DNAH12: variants seen among roughly 807,000 people sequenced by gnomAD.
DNAH12 encodes the protein dynein axonemal heavy chain 12.
A neutral mutation model predicts 371.5 loss-of-function variants in DNAH12; 285 were observed. That is an observed-to-expected ratio of 0.77 (90% CI 0.70 to 0.85). The LOEUF (loss-of-function observed/expected upper bound fraction) is 0.85, where lower values mean the gene tolerates loss of function less well. Ranked by LOEUF, DNAH12 falls within the 40% of genes least tolerant of loss-of-function variation. The pLI is 0.00. For synonymous variants in DNAH12, 1,200 were observed against 1,213.0 expected (o/e 0.99, Z 0.22); for missense variants, 3,611 against 3,689.4 (o/e 0.98, Z 0.55).
intron 55 of DNAH12, among the ~76,000 whole-genome samples, chr3:57,372,284 T>C (rs2063191521): frequency 6.6e-6 from 1 of 151,778 alleles, no homozygotes; most frequent in Non-Finnish European, 1.5e-5. Flanking sequence ...TTTTAAAAGA[T>C]TTTTTTTAGG....
In DNAH12 at chr3:57,353,207, G is replaced by A. The variant is rs1346193013; in HGVS notation, c.9534-982C>T. On this transcript the variant is annotated intron_variant, in intron 59 of 73. Transcript: ENST00000495027. ...AAAAATGTTTACAATAAGCATATATGGCTTTCAATTTTTTTCAGTTTAATT... is the reference window on the plus strand; with the variant it reads ...AAAAATGTTTACAATAAGCATATATAGCTTTCAATTTTTTTCAGTTTAATT... Among the ~76,000 whole-genome samples the A allele has an allele frequency of 3.3e-5, 5 of 152,196 alleles. No individual in the cohort carries two copies. In the East Asian group the frequency reaches 9.6e-4, roughly 29 times the overall value.
At chr3:57,298,959 C>T (rs950136916) in intron 70 of DNAH12, among the ~76,000 whole-genome samples, 1 of 152,120 alleles carries the variant, frequency 6.6e-6, no homozygotes, top group African/African-American at 2.4e-5. Context: ...ATGGAATGAA[C>T]AGATGAATCA....
chr3:57,402,347 G>A (rs782157353), intron 43 of DNAH12: 15 of 1,261,830 alleles, frequency 1.2e-5, no homozygotes, highest in Admixed American at 8.0e-5. Flanking sequence ...CTCTGTTGGG[G>A]CTACAGACCC....
At chr3:57,302,009 C>G in intron 69 of DNAH12, 70 bp from the exon 70 acceptor site, 2 of 1,471,082 alleles carry the variant, frequency 1.4e-6, no homozygotes, top group Non-Finnish European at 1.8e-6. Flanking sequence ...AGAAGAAGAA[C>G]AGCAGGAATT....
chr3:57,350,605 T>C (rs982024740), intron 60 of DNAH12, among the ~76,000 whole-genome samples: 16 of 152,172 alleles, frequency 1.1e-4, no homozygotes, highest in Non-Finnish European at 2.2e-4. Context: ...ACCTTCATAA[T>C]ATTGGGCTGT....
chr3:57,301,786 C>A lies in DNAH12; in HGVS notation c.11343G>T (p.Lys3781Asn), dbSNP rs2061353480. 2 of 1,551,130 alleles carry A rather than the reference C, an allele frequency of 1.3e-6. No individual in the cohort carries two copies. Among genetic ancestry groups the A allele is most frequent in the African/African-American group, 2.7e-5 (2 of 72,866 alleles). The change falls in exon 70 of 74, where the codon AAG becomes AAT. Residue 3781 changes from lysine to asparagine, a missense_variant. Lys to Asn is a moderately conservative substitution (Grantham distance 94). This residue lies in a region of DNAH12 where 2,266 missense variants were observed against 2,236.9 expected (regional missense o/e 1.01). Transcript: ENST00000495027. ...AATCTGTGATGTAACTTCCCAGGGG[C>A]TTAAGGCTTGGGTATGAACGTTTGG... ...IWAKRSYPSL[K>N]PLGSYITDFL... is the part of the protein sequence containing the mutation.
intron 62 of DNAH12, among the ~76,000 whole-genome samples, chr3:57,326,760 C>T (rs1383435835): frequency 1.3e-5 from 2 of 152,128 alleles, no homozygotes; most frequent in East Asian, 1.9e-4. Context: ...AAGACACAGA[C>T]TGGCAAATTG....
At position 57,403,352 on chromosome 3, in the gene DNAH12, A is replaced by G; in HGVS notation, c.6905T>C (p.Ile2302Thr). 1 of 1,551,160 alleles carries G rather than the reference A, an allele frequency of 6.4e-7. No individual in the cohort carries two copies. The highest frequency in any genetic ancestry group is 8.7e-7 in the Non-Finnish European group (1 of 1,146,784). ...MAKMHIFQPE[I>T]SKSYGMNEWR... Reference sequence around the variant, plus strand: ...TTCATTCATACCATAGCTCTTAGAAATTTCTGGTTGGAAAATATGCATTTT... The same window carrying G: ...TTCATTCATACCATAGCTCTTAGAAGTTTCTGGTTGGAAAATATGCATTTT... The change falls in exon 43 of 74, where the codon ATT becomes ACT. Residue 2302 changes from isoleucine (I) to threonine (T), a missense_variant. Ile to Thr is a moderately conservative substitution (Grantham distance 89). Around this residue, in one of 3 missense-constraint regions of DNAH12, gnomAD observed 2,266 missense variants for 2,236.9 expected, o/e 1.01. Transcript: ENST00000495027.
At chr3:57,472,401 G>A in intron 14 of DNAH12, 145 bp downstream of exon 14, 1 of 962,470 alleles carries the variant, frequency 1.0e-6, no homozygotes, top group Non-Finnish European at 1.5e-6. Context: ...TAAGCCTAGA[G>A]GGCCATAAGT....
chr3:57,530,746 T>C, intron 2 of DNAH12: 1 of 260,516 alleles, frequency 3.8e-6, no homozygotes, highest in Non-Finnish European at 7.5e-6. Context: ...ATGATCCTTG[T>C]TTTGCACCTA....
At chr3:57,409,950 C>T (rs1188559546) in intron 39 of DNAH12, among the ~76,000 whole-genome samples, 6 of 151,960 alleles carry the variant, frequency 3.9e-5, no homozygotes, top group Non-Finnish European at 7.4e-5. Flanking sequence ...GTAGGTAGTT[C>T]CAAGCAGCCA....
chr3:57,304,092 TTGACTG>T (rs1302863168), intron 69 of DNAH12, among the ~76,000 whole-genome samples: 2 of 135,380 alleles, frequency 1.5e-5, no homozygotes, highest in Non-Finnish European at 3.1e-5. Flanking sequence ...CAACCCCCCT[TTGACTG>T]TAATTTTCCT....
intron 4 of DNAH12, among the ~76,000 whole-genome samples, chr3:57,513,391 T>A (rs1559739607): frequency 6.6e-6 from 1 of 152,072 alleles, no homozygotes; most frequent in African/African-American, 2.4e-5. Context: ...AGGAGAGGGA[T>A]CCTAGAGAGT....
At chr3:57,302,567 A>ATATATATATTTATTTTTTTT (rs2061380979) in intron 69 of DNAH12, among the ~76,000 whole-genome samples, 1 of 27,478 alleles carries the variant, frequency 3.6e-5, no homozygotes, top group Non-Finnish European at 6.3e-5. Flanking sequence ...ATATATATGT[A>ATATATATATTTATTTTTTTT]TTTTTTTTTT....
intron 18 of DNAH12, among the ~76,000 whole-genome samples, chr3:57,462,458 G>C (rs905567677): frequency 6.6e-6 from 1 of 151,866 alleles, no homozygotes; most frequent in Non-Finnish European, 1.5e-5. Flanking sequence ...CACCATGTTG[G>C]CCAGGCTGGT....
intron 9 of DNAH12, 139 bp downstream of exon 9, chr3:57,503,877 G>T (rs1373668777): frequency 1.4e-6 from 1 of 728,646 alleles, no homozygotes. Context: ...CTTTTTCAAA[G>T]AGAAAGCAAT....
chr3:57,411,930 C>T (rs1553683172), intron 39 of DNAH12, among the ~76,000 whole-genome samples: 1 of 152,120 alleles, frequency 6.6e-6, no homozygotes, highest in African/African-American at 2.4e-5. Flanking sequence ...TTAAGGCTTA[C>T]TATAAAACTA....
intron 60 of DNAH12, among the ~76,000 whole-genome samples, chr3:57,335,325 G>A (rs1460741838): frequency 6.6e-6 from 1 of 152,124 alleles, no homozygotes; most frequent in Non-Finnish European, 1.5e-5. Flanking sequence ...GGAAAGCTTA[G>A]GTGACTGGAG....
Position 57,471,136 on chromosome 3 carries a change from G to A in DNAH12, c.1911+336C>T, listed in dbSNP as rs149935323. On this transcript the variant is annotated intron_variant, in intron 15 of 73. Transcript: ENST00000495027. Reference sequence around the variant, plus strand: ...AACATAGTTCCAGTTTTGGGCCTAAGAGTCAGGTCTTTGTTTGCCAGCCTG... The same window carrying A: ...AACATAGTTCCAGTTTTGGGCCTAAAAGTCAGGTCTTTGTTTGCCAGCCTG... Among the ~76,000 whole-genome samples, 846 of 152,038 alleles carry A rather than the reference G, an allele frequency of 5.6e-3. 2 individuals are homozygous for A. The highest frequency in any genetic ancestry group is 0.018 in the African/African-American group (749 of 41,506).
Sources: gnomAD v4.1 joint callset for allele counts (sites outside exome capture counted in the v4.1 genomes callset) on GRCh38, gnomAD v4.1.1 for gene constraint, gnomAD v4.1.1 regional missense constraint, MANE v1.5 for transcripts, NCBI Gene and HGNC (gene_info 2026-07-23, HGNC 2026-07-21) for gene names.